PDPK1: variants seen among roughly 807,000 people sequenced by gnomAD.
PDPK1 encodes 3-phosphoinositide-dependent protein kinase 1.
PDPK1 carries 7 observed loss-of-function variants against 39.8 expected under a neutral mutation model. The observed-to-expected ratio is 0.18, with a 90% CI of 0.10 to 0.33. The LOEUF is 0.33. Ranked by LOEUF, PDPK1 falls within the 10% of genes least tolerant of loss-of-function variation. The pLI is 1.00. For synonymous variants in PDPK1, 118 were observed against 159.1 expected (o/e 0.74, Z 1.95); for missense variants, 182 against 384.7 (o/e 0.47, Z 4.41).
chr16:2,540,281 T>C (rs1348687350), intron 1 of PDPK1, among the ~76,000 whole-genome samples: 1 of 152,194 alleles, frequency 6.6e-6, no homozygotes, highest in Non-Finnish European at 1.5e-5. Context: ...AGGCAGACAG[T>C]GGCCTGGCCC....
At chr16:2,551,845 T>G (rs964477308) in intron 1 of PDPK1, among the ~76,000 whole-genome samples, 5 of 151,416 alleles carry the variant, frequency 3.3e-5, no homozygotes, top group African/African-American at 1.2e-4. Flanking sequence ...GTTTGTATCT[T>G]TAGTAGAGAC....
At chr16:2,540,495 C>T (rs2066224918) in intron 1 of PDPK1, among the ~76,000 whole-genome samples, 5 of 152,124 alleles carry the variant, frequency 3.3e-5, no homozygotes, top group Admixed American at 2.0e-4. Flanking sequence ...CCCTCACGTT[C>T]GGAGCCCCTG....
At chr16:2,577,872 G>A (rs1396989102) in intron 7 of PDPK1, among the ~76,000 whole-genome samples, 1 of 149,136 alleles carries the variant, frequency 6.7e-6, no homozygotes, top group Non-Finnish European at 1.5e-5. Flanking sequence ...CCGAGTAGCT[G>A]GGACTACAGG....
chr16:2,585,770 G>A (rs1360190395), intron 10 of PDPK1, among the ~76,000 whole-genome samples: 2 of 152,362 alleles, frequency 1.3e-5, no homozygotes, highest in East Asian at 3.9e-4. Flanking sequence ...AGGCGGGGCT[G>A]TGGTGCAGCT....
Position 2,597,767 on chromosome 16 carries a change from A to G in PDPK1, c.1671A>G (p.Ter557TrpextTer64). Residue 557 changes from the stop codon to tryptophan (W), a stop_lost, in exon 14 of 14, where the codon TGA becomes TGG. Transcript: ENST00000342085. This position sits in a 1 kb window ranked among gnomAD's most constrained non-coding sequence, Gnocchi z 6.3. ...GCCACCCGGACGCCGCTGTGCAGTG[A>G]CGTGGCCTGCGGCCGGGCTGCCCTT... ...YQSHPDAAVQ[*>W] 6.2e-7 allele frequency: 1 copy of G among 1,603,070 alleles called. No individual in the cohort carries two copies. The highest frequency in any genetic ancestry group is 8.5e-7 in the Non-Finnish European group (1 of 1,171,512).
rs568802639 is a variant in PDPK1 at position 2,602,718 on chromosome 16, A to G, written c.*4951A>G. 4.0e-4 allele frequency: 93 copies of G among 234,824 alleles called. No homozygotes were observed. Among genetic ancestry groups the G allele is most frequent in the Admixed American group, 6.7e-4 (12 of 17,796 alleles). The allele number at this position is 234,824 out of a possible 1,614,324, so 14.5% of individuals were successfully genotyped here. A position where few individuals can be genotyped will look rare whatever the true frequency, so the allele number is the denominator to read the frequency against. On this transcript the variant is annotated 3_prime_UTR_variant, in exon 14 of 14. Transcript: ENST00000342085. ...TACGTCTTTCAGGTGGGTGGCAAGC[A>G]GAACATGCGTAATATTCTCTACCTG...
At chr16:2,551,894 G>A (rs907763630) in intron 1 of PDPK1, among the ~76,000 whole-genome samples, 2 of 151,354 alleles carry the variant, frequency 1.3e-5, no homozygotes, top group African/African-American at 4.8e-5. Flanking sequence ...TCAAACTCCT[G>A]ATCTCAGATG....
intron 11 of PDPK1, chr16:2,592,958 G>A (rs1386740801): frequency 2.2e-6 from 1 of 456,692 alleles, no homozygotes; most frequent in South Asian, 1.5e-5. Flanking sequence ...GAGCCACTCT[G>A]GGGCTTCAGT....
chr16:2,540,880 A>T (rs560733121), intron 1 of PDPK1, among the ~76,000 whole-genome samples: 1 of 152,218 alleles, frequency 6.6e-6, no homozygotes, highest in Non-Finnish European at 1.5e-5. Flanking sequence ...TGCCCTCCCT[A>T]GGGTGGTTCT....
intron 11 of PDPK1, chr16:2,592,541 G>A (rs2067010879): frequency 1.2e-5 from 4 of 334,930 alleles, no homozygotes; most frequent in South Asian, 9.0e-5. Flanking sequence ...TGGGCCTACT[G>A]GTGGGTACCT....
intron 11 of PDPK1, among the ~76,000 whole-genome samples, chr16:2,588,074 C>G (rs889739305): frequency 6.6e-6 from 1 of 152,106 alleles, no homozygotes; most frequent in Non-Finnish European, 1.5e-5. Flanking sequence ...ACACATGTGA[C>G]TTGAGAGACT....
rs2067254053 is a variant in PDPK1 at position 2,603,122 on chromosome 16, T to C, written c.*5355T>C. 4.4e-6 allele frequency: 1 copy of C among 225,546 alleles called. No individual in the cohort carries two copies. 14.0% of individuals were successfully genotyped at this position (225,546 alleles called of 1,614,324 possible). On this transcript the variant is annotated 3_prime_UTR_variant, in exon 14 of 14. Transcript: ENST00000342085. ...TTTCCAAATACTTGTGCTTTAGGTG[T>C]AGTTACCAGATGATGAATTTTCCTC... is the stretch of plus-strand genomic sequence containing the variant.
chr16:2,596,986 G>C (rs1341683104), intron 12 of PDPK1, 137 bp from the exon 13 acceptor site: 1 of 514,314 alleles, frequency 1.9e-6, no homozygotes, highest in South Asian at 4.4e-5. Context: ...GAAGTCCCCT[G>C]CCCCTGGGTG....
Position 2,602,928 on chromosome 16 carries a change from G to T in PDPK1, c.*5161G>T, listed in dbSNP as rs2142023025. On this transcript the variant is annotated 3_prime_UTR_variant, in exon 14 of 14. Coordinates refer to ENST00000342085, the MANE Select transcript of PDPK1 (RefSeq NM_002613.5). Reference sequence around the variant, plus strand: ...TTCTAATATATGAATTATTTGAATTGAATTCATGTTCGGGGCCACGTTGTT... The same window carrying T: ...TTCTAATATATGAATTATTTGAATTTAATTCATGTTCGGGGCCACGTTGTT... 1 of 232,412 alleles carries T rather than the reference G, an allele frequency of 4.3e-6. No homozygotes were observed. The highest frequency in any genetic ancestry group is 6.1e-5 in the East Asian group (1 of 16,326). 14.4% of individuals were successfully genotyped at this position (232,412 alleles called of 1,614,324 possible). A position where few individuals can be genotyped will look rare whatever the true frequency, so the allele number is the denominator to read the frequency against.
chr16:2,586,946 CGTG>C, intron 11 of PDPK1, 53 bp downstream of exon 11: 1 of 1,496,380 alleles, frequency 6.7e-7, no homozygotes, highest in Non-Finnish European at 9.3e-7. Flanking sequence ...AGCGTGAACA[CGTG>C]GGGGCTTATG....
intron 2 of PDPK1, among the ~76,000 whole-genome samples, chr16:2,560,516 G>A (rs1299152021): frequency 1.4e-5 from 2 of 145,926 alleles, no homozygotes; most frequent in Middle Eastern, 3.5e-3. Flanking sequence ...GTCCCATCAG[G>A]AGTCCTGCCC....
At chr16:2,596,232 C>G (rs2067098474) in intron 12 of PDPK1, among the ~76,000 whole-genome samples, 1 of 152,192 alleles carries the variant, frequency 6.6e-6, no homozygotes. Context: ...TGCTCTGTCC[C>G]CCAGGCTAGA....
chr16:2,586,824 AACTGG>A lies in PDPK1; in HGVS notation c.1278_1282del (p.Asp427ThrfsTer6). The A allele has an allele frequency of 6.2e-7, 1 of 1,614,266 alleles. No individual in the cohort carries two copies. The highest frequency in any genetic ancestry group is 8.5e-7 in the Non-Finnish European group (1 of 1,180,048). The stretch of plus-strand genomic sequence containing the variant: ...CACGATCTGGACTCGAACTCCTTTG[AACTGG>A]ACTTACAGTTTTCCGAAGATGAGAA... On this transcript the variant is annotated frameshift_variant, in exon 11 of 14. Transcript: ENST00000342085. LOFTEE classifies it high-confidence loss of function.
At chr16:2,591,739 G>A (rs1370942902) in intron 11 of PDPK1, among the ~76,000 whole-genome samples, 2 of 152,118 alleles carry the variant, frequency 1.3e-5, no homozygotes, top group Non-Finnish European at 2.9e-5. Context: ...CCTGTGCAGC[G>A]CACAGAGTGG....
Sources: allele counts gnomAD v4.1 joint callset (sites outside exome capture counted in the v4.1 genomes callset), GRCh38; gene constraint gnomAD v4.1.1; non-coding constraint Gnocchi (gnomAD v3.1); transcripts MANE v1.5; gene names NCBI Gene and HGNC (gene_info 2026-07-23, HGNC 2026-07-21).